The following ZNF529 variants were observed in gnomAD, a reference collection of about 807,000 sequenced individuals.
ZNF529 encodes the protein zinc finger protein 529.
ZNF529 carries 11 observed loss-of-function variants against 10.1 expected under a neutral mutation model. That is an observed-to-expected ratio of 1.09 (90% CI 0.69 to 1.81). The LOEUF (loss-of-function observed/expected upper bound fraction) is 1.81. Ranked by LOEUF, ZNF529 falls within the 40% of genes most tolerant of loss-of-function variation. ZNF529 has a pLI of 0.00. For synonymous variants in ZNF529, 204 were observed against 215.7 expected, an observed-to-expected ratio of 0.95 and a Z score of 0.47; for missense variants, 624 against 666.8, an observed-to-expected ratio of 0.94 and a Z score of 0.71.
chr19:36,604,307 C>T (rs1300782680), intron 1 of ZNF529, among the ~76,000 whole-genome samples: 1 of 152,152 alleles, frequency 6.6e-6, no homozygotes, highest in Non-Finnish European at 1.5e-5. Context: ...CGAGGCTGTG[C>T]ATATCAGAAC....
chr19:36,579,202 A>C (rs1367107364), intron 2 of ZNF529, among the ~76,000 whole-genome samples: 1 of 151,506 alleles, frequency 6.6e-6, no homozygotes, highest in Non-Finnish European at 1.5e-5. Flanking sequence ...CTCCGTCTAA[A>C]AAAAAAAAAA....
upstream of ZNF529, among the ~76,000 whole-genome samples, chr19:36,573,963 A>G (rs756892855): frequency 3.3e-5 from 5 of 152,198 alleles, no homozygotes; most frequent in Non-Finnish European, 7.4e-5. Flanking sequence ...AAGGCCCCAG[A>G]TGGAATCTGG....
At chr19:36,576,037 T>A (rs1033349568), upstream of ZNF529, among the ~76,000 whole-genome samples, 1 of 151,948 alleles carries the variant, frequency 6.6e-6, no homozygotes, top group African/African-American at 2.4e-5. Context: ...TTAGTAGAGA[T>A]GGGGTTTCAC....
intron 2 of ZNF529, among the ~76,000 whole-genome samples, chr19:36,588,037 A>T (rs766740355): frequency 5.9e-5 from 9 of 152,126 alleles, no homozygotes; most frequent in Non-Finnish European, 1.3e-4. Flanking sequence ...AATCCCAGCT[A>T]TTTGGGAGGC....
chr19:36,570,979 C>T (rs975358800), intron 2 of ZNF529, among the ~76,000 whole-genome samples: 4 of 151,986 alleles, frequency 2.6e-5, no homozygotes, highest in African/African-American at 7.3e-5. Context: ...AACTGTAAAG[C>T]GGAAAAATGA....
At chr19:36,578,702 G>A (rs537146002) in intron 2 of ZNF529, among the ~76,000 whole-genome samples, 4 of 151,178 alleles carry the variant, frequency 2.6e-5, no homozygotes, top group African/African-American at 4.9e-5. Context: ...TCTGTCTCCC[G>A]GGTTCAAGCA....
chr19:36,592,484 C>T lies in ZNF529; in HGVS notation c.-127-2783G>A, dbSNP rs7258986. ...TGACACGTGCCTGTAGTCACAGATA[C>T]TCGGGAAGCTGAAGCAAGAGAATCG... On this transcript the variant is annotated intron_variant, in intron 1 of 4. Transcript: ENST00000585960. Among the ~76,000 whole-genome samples, 1,500 of 150,688 alleles carry T rather than the reference C, an allele frequency of 1.0e-2. 28 individuals carry two copies. Among genetic ancestry groups the T allele is most frequent in the African/African-American group, 0.034 (1,413 of 41,006 alleles).
intron 1 of ZNF529, among the ~76,000 whole-genome samples, chr19:36,602,650 C>T (rs996790938): frequency 6.6e-6 from 1 of 152,024 alleles, no homozygotes; most frequent in African/African-American, 2.4e-5. Flanking sequence ...AACACCTGGC[C>T]GGGCACGGTG....
intron 1 of ZNF529, 99 bp from the exon 2 acceptor site, chr19:36,572,491 A>C: frequency 1.1e-6 from 1 of 892,922 alleles, no homozygotes; most frequent in Non-Finnish European, 1.7e-6. Flanking sequence ...CACAACAAAC[A>C]CACCCAGATC....
At chr19:36,549,555 T>A (rs184272671) in intron 4 of ZNF529, among the ~76,000 whole-genome samples, 2 of 152,244 alleles carry the variant, frequency 1.3e-5, no homozygotes, top group Admixed American at 1.3e-4. Flanking sequence ...TACATATGTA[T>A]ATTTATAATA....
chr19:36,569,585 T>G (rs1315578751), intron 2 of ZNF529, among the ~76,000 whole-genome samples: 1 of 151,084 alleles, frequency 6.6e-6, no homozygotes, highest in African/African-American at 2.4e-5. Flanking sequence ...GCCAACATGG[T>G]AAAACCCTGT....
At chr19:36,600,799 ACTG>A (rs1396159665) in intron 1 of ZNF529, among the ~76,000 whole-genome samples, 2 of 152,230 alleles carry the variant, frequency 1.3e-5, no homozygotes, top group Non-Finnish European at 2.9e-5. Context: ...TTTGTGAGCC[ACTG>A]CACTTGAACT....
chr19:36,560,466 A>C (rs2035646087), intron 2 of ZNF529, among the ~76,000 whole-genome samples: 1 of 152,184 alleles, frequency 6.6e-6, no homozygotes, highest in Non-Finnish European at 1.5e-5. Context: ...GTACTGGGCT[A>C]AGGAAATGAA....
chr19:36,592,779 T>A, intron 1 of ZNF529, among the ~76,000 whole-genome samples: 1 of 152,148 alleles, frequency 6.6e-6, no homozygotes, highest in Non-Finnish European at 1.5e-5. Context: ...GCCAATGACA[T>A]TTTGAAATGG....
At chr19:36,591,319 T>G (rs1036575524) in intron 1 of ZNF529, among the ~76,000 whole-genome samples, 17 of 141,146 alleles carry the variant, frequency 1.2e-4, no homozygotes, top group African/African-American at 2.6e-4. Flanking sequence ...AAAAAGAAAA[T>G]AATTATTATA....
chr19:36,575,081 G>T (rs1467870078), upstream of ZNF529, among the ~76,000 whole-genome samples: 2 of 152,228 alleles, frequency 1.3e-5, no homozygotes, highest in South Asian at 2.1e-4. Flanking sequence ...CCATAGGATT[G>T]TGGCTTTGTG....
intron 2 of ZNF529, among the ~76,000 whole-genome samples, chr19:36,565,706 A>T (rs151234922): frequency 4.0e-4 from 61 of 152,312 alleles, no homozygotes; most frequent in African/African-American, 1.4e-3. Context: ...TCTCAAAAAA[A>T]AGAAAGAAAA....
chr19:36,573,545 C>G (rs568792582), upstream of ZNF529: 3 of 462,250 alleles, frequency 6.5e-6, no homozygotes, highest in South Asian at 4.7e-5. Context: ...AGGCAGTAAT[C>G]GGGAACCCAG....
At chr19:36,592,045 G>A (rs945195366) in intron 1 of ZNF529, among the ~76,000 whole-genome samples, 14 of 151,800 alleles carry the variant, frequency 9.2e-5, no homozygotes, top group African/African-American at 4.8e-5. Context: ...AGGCCATAGC[G>A]GGTGGATCAC....
Sources: gnomAD v4.1 joint callset for allele counts (sites outside exome capture counted in the v4.1 genomes callset) on GRCh38, gnomAD v4.1.1 for gene constraint, MANE v1.5 for transcripts, NCBI Gene and HGNC (gene_info 2026-07-23, HGNC 2026-07-21) for gene names.